Variants in SRBD1 observed in about 807,000 individuals in gnomAD.
SRBD1 encodes S1 RNA binding domain 1, also known as S1 RNA-binding domain-containing protein 1.
A neutral mutation model predicts 115.3 loss-of-function variants in SRBD1; 88 were observed. The ratio of observed to expected loss-of-function variants is 0.76; its 90% CI spans 0.64 to 0.91. The LOEUF (loss-of-function observed/expected upper bound fraction) is 0.91. Among genes scored for constraint, SRBD1 ranks in the 40% least tolerant of loss-of-function variants. SRBD1 has a pLI of 0.00. For synonymous variants in SRBD1, 509 were observed against 407.7 expected, an observed-to-expected ratio of 1.25 and a Z score of -2.99; for missense variants, 1,385 against 1,177.4, an observed-to-expected ratio of 1.18 and a Z score of -2.58.
At chr2:45,465,880 T>A (rs1160998271) in intron 16 of SRBD1, among the ~76,000 whole-genome samples, 1 of 152,214 alleles carries the variant, frequency 6.6e-6, no homozygotes, top group African/African-American at 2.4e-5. Flanking sequence ...ACATTTTCAG[T>A]TCTGATCCCA....
At chr2:45,591,221 C>G (rs78247779) in intron 4 of SRBD1, among the ~76,000 whole-genome samples, 1 of 152,150 alleles carries the variant, frequency 6.6e-6, no homozygotes, top group East Asian at 1.9e-4. Context: ...CTACATGGAT[C>G]AGATGGCAAC....
intron 16 of SRBD1, among the ~76,000 whole-genome samples, chr2:45,457,391 C>A (rs372012883): frequency 6.6e-6 from 1 of 151,902 alleles, no homozygotes; most frequent in South Asian, 2.1e-4. Context: ...GAATTATGCA[C>A]CTGAGCACTA....
intron 14 of SRBD1, among the ~76,000 whole-genome samples, chr2:45,530,911 G>T (rs762357704): frequency 3.9e-5 from 6 of 152,024 alleles, no homozygotes; most frequent in African/African-American, 7.2e-5. Context: ...GATCAGCCTG[G>T]GCAACACAGT....
At chr2:45,419,060 G>A (rs751306514) in intron 17 of SRBD1, among the ~76,000 whole-genome samples, 1 of 152,052 alleles carries the variant, frequency 6.6e-6, no homozygotes, top group Non-Finnish European at 1.5e-5. Context: ...ATATCATTAG[G>A]TAGTTTGCTT....
chr2:45,541,064 T>C (rs1428148115), intron 14 of SRBD1, among the ~76,000 whole-genome samples: 2 of 152,214 alleles, frequency 1.3e-5, no homozygotes, highest in Non-Finnish European at 2.9e-5. Flanking sequence ...GGCCCAGATC[T>C]CACCCTGCCA....
intron 16 of SRBD1, among the ~76,000 whole-genome samples, chr2:45,437,538 C>G (rs983187671): frequency 2.6e-5 from 4 of 152,106 alleles, no homozygotes; most frequent in Non-Finnish European, 4.4e-5. Flanking sequence ...AATGTAGACA[C>G]AGATCTTACA....
At chr2:45,556,608 G>A (rs888455613) in intron 10 of SRBD1, among the ~76,000 whole-genome samples, 1 of 151,712 alleles carries the variant, frequency 6.6e-6, no homozygotes, top group Non-Finnish European at 1.5e-5. Context: ...GACTACAGAC[G>A]TGCGCCATCC....
intron 16 of SRBD1, among the ~76,000 whole-genome samples, chr2:45,429,075 T>C (rs181304608): frequency 2.6e-4 from 39 of 151,452 alleles, no homozygotes; most frequent in African/African-American, 9.0e-4. Flanking sequence ...TGGACACATA[T>C]ACCCACCCAA....
chr2:45,547,686 A>C, intron 12 of SRBD1, 74 bp from the exon 13 acceptor site: 9 of 1,265,064 alleles, frequency 7.1e-6, no homozygotes, highest in Non-Finnish European at 1.0e-5. Flanking sequence ...TTTGTTAAGC[A>C]AGTTGTAACA....
intron 15 of SRBD1, among the ~76,000 whole-genome samples, chr2:45,487,088 CAACTAAAGGGA>C (rs1163496529): frequency 2.6e-5 from 4 of 152,126 alleles, no homozygotes; most frequent in Non-Finnish European, 5.9e-5. Flanking sequence ...TGTCATGAAA[CAACTAAAGGGA>C]AACTACAAGC....
intron 14 of SRBD1, among the ~76,000 whole-genome samples, chr2:45,521,183 A>G (rs905684020): frequency 6.6e-6 from 1 of 151,896 alleles, no homozygotes; most frequent in Non-Finnish European, 1.5e-5. Context: ...CAAATCCACT[A>G]CCTAGATGAC....
At chr2:45,525,076 G>C (rs999857787) in intron 14 of SRBD1, among the ~76,000 whole-genome samples, 1 of 151,842 alleles carries the variant, frequency 6.6e-6, no homozygotes, top group Non-Finnish European at 1.5e-5. Flanking sequence ...AGGACTACTG[G>C]ATAGCCACAG....
At chr2:45,563,343 G>C (rs1213411721) in intron 9 of SRBD1, among the ~76,000 whole-genome samples, 1 of 151,684 alleles carries the variant, frequency 6.6e-6, no homozygotes, top group African/African-American at 2.4e-5. Flanking sequence ...TTAAACTTCA[G>C]ATCAATCTGT....
intron 18 of SRBD1, among the ~76,000 whole-genome samples, chr2:45,415,624 T>G (rs760408882): frequency 3.3e-5 from 4 of 120,110 alleles, no homozygotes; most frequent in Admixed American, 9.3e-5. Context: ...ATAAAATATA[T>G]AGAGAGAGTG....
At chr2:45,483,083 C>T (rs1670015389) in intron 15 of SRBD1, among the ~76,000 whole-genome samples, 1 of 151,904 alleles carries the variant, frequency 6.6e-6, no homozygotes, top group Admixed American at 6.6e-5. Context: ...AAAAGAAATG[C>T]TATGAAAAAT....
chr2:45,505,962 G>C (rs1332907002), intron 14 of SRBD1, among the ~76,000 whole-genome samples: 2 of 152,164 alleles, frequency 1.3e-5, no homozygotes, highest in Non-Finnish European at 2.9e-5. Flanking sequence ...AAAGTTGTTT[G>C]TGAATGTCAG....
intron 14 of SRBD1, among the ~76,000 whole-genome samples, chr2:45,538,161 T>C (rs1195755943): frequency 1.3e-5 from 2 of 152,282 alleles, no homozygotes; most frequent in Non-Finnish European, 2.9e-5. Context: ...AGATATCAGC[T>C]ACATCACAGC....
At chr2:45,554,671 TC>T (rs1355685724) in intron 10 of SRBD1, among the ~76,000 whole-genome samples, 4 of 151,904 alleles carry the variant, frequency 2.6e-5, no homozygotes, top group Non-Finnish European at 5.9e-5. Context: ...ACTGAAACGG[TC>T]CCTATAAACC....
At chr2:45,503,542 T>C (rs1396018381) in intron 14 of SRBD1, among the ~76,000 whole-genome samples, 2 of 152,220 alleles carry the variant, frequency 1.3e-5, no homozygotes, top group African/African-American at 2.4e-5. Flanking sequence ...ATTTTATTAG[T>C]CATTTTCACT....
Sources: gnomAD v4.1 joint callset for allele counts (sites outside exome capture counted in the v4.1 genomes callset) on GRCh38, gnomAD v4.1.1 for gene constraint, MANE v1.5 for transcripts, NCBI Gene and HGNC (gene_info 2026-07-23, HGNC 2026-07-21) for gene names.